Variants in GRIA4 observed in about 807,000 individuals in gnomAD.
GRIA4 encodes glutamate ionotropic receptor AMPA type subunit 4.
A neutral mutation model predicts 104.0 loss-of-function variants in GRIA4; 34 were observed. That is an observed-to-expected ratio of 0.33 (90% CI 0.25 to 0.44). The LOEUF (loss-of-function observed/expected upper bound fraction) is 0.44. Among genes scored for constraint, GRIA4 ranks in the 20% least tolerant of loss-of-function variants. The pLI is 1.00. For missense variants in GRIA4, 750 were observed against 1,096.5 expected (o/e 0.68, Z 4.46); for synonymous variants, 386 against 381.9 (o/e 1.01, Z -0.13).
intron 9 of GRIA4, among the ~76,000 whole-genome samples, chr11:105,906,973 C>T (rs1156689224): frequency 6.6e-6 from 1 of 152,186 alleles, no homozygotes; most frequent in East Asian, 1.9e-4. Flanking sequence ...TGCCACACAC[C>T]AGACCTTGCA....
intron 5 of GRIA4, among the ~76,000 whole-genome samples, chr11:105,886,239 G>T (rs939097681): frequency 7.9e-5 from 12 of 151,678 alleles, no homozygotes; most frequent in Middle Eastern, 3.4e-3. Context: ...ATATTTATGG[G>T]GTCCATGAGA....
intron 4 of GRIA4, among the ~76,000 whole-genome samples, chr11:105,814,727 A>C (rs1461905830): frequency 6.6e-6 from 1 of 152,204 alleles, no homozygotes; most frequent in South Asian, 2.1e-4. Flanking sequence ...AAGAACATGA[A>C]ATATATACAG....
chr11:105,837,926 TC>T (rs1944253726), intron 4 of GRIA4, among the ~76,000 whole-genome samples: 1 of 152,086 alleles, frequency 6.6e-6, no homozygotes, highest in Admixed American at 6.6e-5. Context: ...TCCAATACAC[TC>T]CTAATGGGAC....
intron 9 of GRIA4, among the ~76,000 whole-genome samples, chr11:105,906,966 C>T (rs1947062053): frequency 6.6e-6 from 1 of 152,200 alleles, no homozygotes; most frequent in African/African-American, 2.4e-5. Context: ...ACCTCCTTGC[C>T]ACACACCAGA....
intron 5 of GRIA4, among the ~76,000 whole-genome samples, chr11:105,866,946 T>A (rs1945441830): frequency 6.6e-6 from 1 of 152,028 alleles, no homozygotes; most frequent in Non-Finnish European, 1.5e-5. Context: ...AAGTAGGTAT[T>A]TAACAAAAGA....
At chr11:105,915,460 G>C (rs545390225) in intron 10 of GRIA4, among the ~76,000 whole-genome samples, 1 of 152,288 alleles carries the variant, frequency 6.6e-6, no homozygotes, top group South Asian at 2.1e-4. Flanking sequence ...ACATGGGCCT[G>C]CTTCAGAAGA....
intron 4 of GRIA4, among the ~76,000 whole-genome samples, chr11:105,773,813 C>T (rs1941326684): frequency 6.6e-6 from 1 of 150,656 alleles, no homozygotes; most frequent in African/African-American, 2.4e-5. Context: ...ACAAGATAAT[C>T]TATGGTCGAT....
chr11:105,872,241 C>T (rs1945643354), intron 5 of GRIA4, among the ~76,000 whole-genome samples: 1 of 151,736 alleles, frequency 6.6e-6, no homozygotes, highest in Non-Finnish European at 1.5e-5. Context: ...TTGTATTCAT[C>T]CAAGAAAATA....
In GRIA4 at chr11:105,803,851, A is replaced by G. The variant is rs556393599; in HGVS notation, c.487+50631A>G. Among the ~76,000 whole-genome samples the G allele has an allele frequency of 3.7e-3, 553 of 150,010 alleles. 7 individuals are homozygous for G. The highest frequency in any genetic ancestry group is 6.9e-3 in the Middle Eastern group (2 of 290). ...TTCTGATTGGTGCTATACCAAAAAAAAAAAAAAAAAAGAGAGAGAGAGAGA... is the reference window on the plus strand; with the variant it reads ...TTCTGATTGGTGCTATACCAAAAAAGAAAAAAAAAAAGAGAGAGAGAGAGA... On this transcript the variant is annotated intron_variant, in intron 4 of 16. Coordinates refer to ENST00000282499, the MANE Select transcript of GRIA4 (RefSeq NM_000829.4).
At chr11:105,957,172 A>G (rs949469555) in intron 14 of GRIA4, among the ~76,000 whole-genome samples, 10 of 152,132 alleles carry the variant, frequency 6.6e-5, no homozygotes, top group African/African-American at 1.2e-4. Context: ...TTTTAGTCAC[A>G]AAGTCCTTGC....
rs1946723908 is a variant in GRIA4, at chr11:105,898,193, T to C, written c.727-76T>C. On this transcript the variant is annotated intron_variant, in intron 6 of 16. Coordinates refer to ENST00000282499, the MANE Select transcript of GRIA4 (RefSeq NM_000829.4). ...AAAATCTTTTAATATGTATAGGTTA[T>C]TAATTTATGTTACTATTGAAGAGCT... The C allele has an allele frequency of 1.6e-5, 11 of 690,378 alleles. No individual in the cohort carries two copies. The East Asian group carries it at 2.9e-4, about 18-fold the overall frequency. 42.8% of individuals were successfully genotyped at this position (690,378 alleles called of 1,614,324 possible).
chr11:105,662,231 T>G (rs1437972209), intron 3 of GRIA4, among the ~76,000 whole-genome samples: 1 of 151,878 alleles, frequency 6.6e-6, no homozygotes, highest in Non-Finnish European at 1.5e-5. Context: ...TCTAAAAATA[T>G]TCATTTTACA....
chr11:105,821,790 C>G (rs1943582848), intron 4 of GRIA4, among the ~76,000 whole-genome samples: 3 of 152,060 alleles, frequency 2.0e-5, no homozygotes, highest in Non-Finnish European at 4.4e-5. Flanking sequence ...ATAATTTTCC[C>G]ATAAAATTTA....
In GRIA4 at chr11:105,817,908, T is replaced by C. The variant is rs576556705; in HGVS notation, c.488-44116T>C. ...CAGAAATTAAATCCAGTGGAAAATA[T>C]GGCAATCATTTTAATTTACTGAAGC... On this transcript the variant is annotated intron_variant, in intron 4 of 16. Coordinates refer to ENST00000282499, the MANE Select transcript of GRIA4 (RefSeq NM_000829.4). 3.3e-5 allele frequency among the ~76,000 whole-genome samples: 5 copies of C among 152,108 alleles called. No individual in the cohort carries two copies. In the South Asian group the frequency reaches 1.0e-3, roughly 32 times the overall value.
intron 4 of GRIA4, among the ~76,000 whole-genome samples, chr11:105,773,576 C>T (rs1941314281): frequency 6.6e-6 from 1 of 152,078 alleles, no homozygotes; most frequent in Non-Finnish European, 1.5e-5. Flanking sequence ...CATCTCTGTT[C>T]TTACTGCCAG....
chr11:105,963,092 A>G (rs1402521273), intron 14 of GRIA4, among the ~76,000 whole-genome samples: 1 of 152,084 alleles, frequency 6.6e-6, no homozygotes, highest in Non-Finnish European at 1.5e-5. Context: ...TCTGCTTTCT[A>G]CACCCCTCAT....
At chr11:105,956,952 GTTGT>G (rs34305417) in intron 14 of GRIA4, among the ~76,000 whole-genome samples, 96,118 of 150,922 alleles carry the variant, frequency 0.64, 30,616 homozygotes, top group Middle Eastern at 0.71. Flanking sequence ...TTTTGATGGG[GTTGT>G]TTGATTTTTT....
chr11:105,917,707 G>A (rs1947444986), intron 10 of GRIA4, among the ~76,000 whole-genome samples: 1 of 152,028 alleles, frequency 6.6e-6, no homozygotes, highest in South Asian at 2.1e-4. Context: ...CATATTATGT[G>A]TTCACCAGGT....
At chr11:105,939,652 A>G (rs983114656) in intron 14 of GRIA4, among the ~76,000 whole-genome samples, 3 of 152,194 alleles carry the variant, frequency 2.0e-5, no homozygotes, top group Admixed American at 2.0e-4. Flanking sequence ...TAAAGAAAAT[A>G]TGTCAGATTA....
Sources: gnomAD v4.1 joint callset for allele counts (sites outside exome capture counted in the v4.1 genomes callset) on GRCh38, gnomAD v4.1.1 for gene constraint, MANE v1.5 for transcripts, NCBI Gene and HGNC (gene_info 2026-07-23, HGNC 2026-07-21) for gene names.